GRIN3A: variants seen among roughly 807,000 people sequenced by gnomAD.
GRIN3A encodes the protein glutamate receptor ionotropic, NMDA 3A.
A neutral mutation model predicts 92.4 loss-of-function variants in GRIN3A; 47 were observed. That is an observed-to-expected ratio of 0.51 (90% CI 0.40 to 0.65). The LOEUF (loss-of-function observed/expected upper bound fraction) is 0.65, where lower values mean the gene tolerates loss of function less well. Among genes scored for constraint, GRIN3A ranks in the 30% least tolerant of loss-of-function variants. The probability of loss-of-function intolerance (pLI) is 0.00; values close to 1 mark genes in which losing one functional copy is unlikely to be tolerated. For synonymous variants in GRIN3A, 527 were observed against 540.6 expected, an observed-to-expected ratio of 0.97 and a Z score of 0.35; for missense variants, 1,324 against 1,393.1, an observed-to-expected ratio of 0.95 and a Z score of 0.79.
intron 1 of GRIN3A, among the ~76,000 whole-genome samples, chr9:101,722,536 C>A (rs1044664350): frequency 6.6e-6 from 1 of 152,192 alleles, no homozygotes; most frequent in Non-Finnish European, 1.5e-5. Context: ...TCAACGCCAG[C>A]CTGTGAAAGC....
At chr9:101,594,541 C>T (rs1202597957) in intron 6 of GRIN3A, 4 of 1,614,044 alleles carry the variant, frequency 2.5e-6, no homozygotes, top group Admixed American at 1.7e-5. Context: ...GCTGGAGCTG[C>T]CAGTCCGTCA....
At chr9:101,662,064 G>A (rs1034667861) in intron 3 of GRIN3A, among the ~76,000 whole-genome samples, 4 of 151,460 alleles carry the variant, frequency 2.6e-5, no homozygotes, top group East Asian at 2.0e-4. Context: ...CTATCTTCCC[G>A]AAAAGATTTA....
chr9:101,660,302 A>T (rs1401922045), intron 3 of GRIN3A, among the ~76,000 whole-genome samples: 1 of 151,838 alleles, frequency 6.6e-6, no homozygotes, highest in Non-Finnish European at 1.5e-5. Context: ...TCTATGCAAA[A>T]TACATACAAT....
At chr9:101,610,235 A>G (rs764552765) in intron 6 of GRIN3A, among the ~76,000 whole-genome samples, 2 of 152,240 alleles carry the variant, frequency 1.3e-5, no homozygotes, top group East Asian at 1.9e-4. Context: ...ACAGGGTCAT[A>G]GTGAGAACTA....
intron 3 of GRIN3A, among the ~76,000 whole-genome samples, chr9:101,648,869 T>C (rs1386409359): frequency 1.3e-5 from 2 of 152,156 alleles, no homozygotes; most frequent in Middle Eastern, 3.4e-3. Context: ...GTGTTAGAAC[T>C]TTACTTCTAA....
At chr9:101,623,021 C>A (rs983118789) in intron 5 of GRIN3A, among the ~76,000 whole-genome samples, 42 of 151,578 alleles carry the variant, frequency 2.8e-4, no homozygotes, top group Admixed American at 1.2e-3. Context: ...CACACACACA[C>A]AATACAGATT....
intron 1 of GRIN3A, among the ~76,000 whole-genome samples, chr9:101,715,088 T>A (rs1439699653): frequency 1.3e-5 from 2 of 151,790 alleles, no homozygotes; most frequent in Non-Finnish European, 2.9e-5. Flanking sequence ...AAAGGATCCT[T>A]GGACATTCTT....
rs765331982 is a variant in GRIN3A at position 101,670,987 on chromosome 9, C to T, written c.1425G>A (p.Lys475=). ...AGCTGCCCAAGCGGGTCCACATTGG[C>T]TTTCCCATGGGGTCATGTTGAAGAT... ...IWNLQHDPMG[K]PMWTRLGSWQ... is the part of the protein sequence containing the mutation. Residue 475 remains lysine (K), a synonymous_variant, in exon 3 of 9, where the codon AAG becomes AAA. Coordinates refer to ENST00000361820, the MANE Select transcript of GRIN3A (RefSeq NM_133445.3). 6 of 1,613,984 alleles carry T rather than the reference C, an allele frequency of 3.7e-6. No homozygotes were observed. The South Asian group carries it at 5.5e-5, about 15-fold the overall frequency.
chr9:101,672,691 T>C (rs941869474), intron 2 of GRIN3A, among the ~76,000 whole-genome samples: 4 of 152,148 alleles, frequency 2.6e-5, no homozygotes, highest in Admixed American at 2.6e-4. Context: ...TCATTAGAGA[T>C]ATAAATGTAA....
intron 3 of GRIN3A, among the ~76,000 whole-genome samples, chr9:101,659,645 C>T (rs995741705): frequency 1.1e-4 from 16 of 151,382 alleles, no homozygotes; most frequent in Middle Eastern, 3.6e-3. Context: ...AGGTTAATAA[C>T]GTAAACAAAG....
intron 6 of GRIN3A, among the ~76,000 whole-genome samples, chr9:101,608,497 C>CA (rs1254357332): frequency 6.6e-6 from 1 of 151,374 alleles, no homozygotes; most frequent in Admixed American, 6.6e-5. Flanking sequence ...TTCAAAACAT[C>CA]TTTTTTTTTG....
chr9:101,570,784 T>G lies in GRIN3A; in HGVS notation c.*2390A>C, dbSNP rs1443329512. The G allele has an allele frequency of 6.6e-6, 1 of 152,618 alleles. No individual in the cohort carries two copies. Among genetic ancestry groups the G allele is most frequent in the African/African-American group, 2.4e-5 (1 of 41,446 alleles). 9.5% of individuals were successfully genotyped at this position (152,618 alleles called of 1,614,324 possible). On this transcript the variant is annotated 3_prime_UTR_variant, in exon 9 of 9. Coordinates refer to ENST00000361820, the MANE Select transcript of GRIN3A (RefSeq NM_133445.3). ...AATCCGATATACAAAAATGCAGACTTACAAAACAGATACATTAAGGGATAA... is the reference window on the plus strand; with the variant it reads ...AATCCGATATACAAAAATGCAGACTGACAAAACAGATACATTAAGGGATAA...
intron 2 of GRIN3A, among the ~76,000 whole-genome samples, chr9:101,674,176 T>C (rs7854314): frequency 0.15 from 23,162 of 151,930 alleles, 2,849 homozygotes; most frequent in African/African-American, 0.34. Flanking sequence ...TTACATCAGA[T>C]CTGAGGCTAC....
At chr9:101,647,674 T>G (rs1828956650) in intron 3 of GRIN3A, among the ~76,000 whole-genome samples, 1 of 151,982 alleles carries the variant, frequency 6.6e-6, no homozygotes, top group Non-Finnish European at 1.5e-5. Context: ...GTCTTGTTAC[T>G]TATTATTAGT....
At chr9:101,577,625 A>C (rs879614640) in intron 8 of GRIN3A, 143 bp downstream of exon 8, 13 of 709,160 alleles carry the variant, frequency 1.8e-5, no homozygotes, top group Non-Finnish European at 2.8e-5. Context: ...GTCCATATAC[A>C]TTTTTTATTT....
chr9:101,638,862 A>G (rs1290303437), intron 3 of GRIN3A, among the ~76,000 whole-genome samples: 1 of 152,242 alleles, frequency 6.6e-6, no homozygotes, highest in Admixed American at 6.5e-5. Context: ...CCTTATCTGC[A>G]AAATGGCTAA....
chr9:101,612,004 C>G (rs958774503), intron 6 of GRIN3A, among the ~76,000 whole-genome samples: 1 of 152,130 alleles, frequency 6.6e-6, no homozygotes, highest in Non-Finnish European at 1.5e-5. Flanking sequence ...GGGAGGTGGG[C>G]AGGGCCAGGT....
chr9:101,669,941 A>G, intron 3 of GRIN3A, 119 bp downstream of exon 3: 2 of 778,974 alleles, frequency 2.6e-6, no homozygotes, highest in Admixed American at 2.1e-5. Flanking sequence ...TAGTCTCTAT[A>G]CTTGGCTGAG....
At chr9:101,644,345 C>A (rs928269690) in intron 3 of GRIN3A, among the ~76,000 whole-genome samples, 6 of 149,852 alleles carry the variant, frequency 4.0e-5, no homozygotes, top group Non-Finnish European at 8.9e-5. Context: ...CTTTGGTTTA[C>A]AGATGAAGAA....
Sources: gnomAD v4.1 joint callset for allele counts (sites outside exome capture counted in the v4.1 genomes callset) on GRCh38, gnomAD v4.1.1 for gene constraint, MANE v1.5 for transcripts, NCBI Gene and HGNC (gene_info 2026-07-23, HGNC 2026-07-21) for gene names.